Variants in RAP1GDS1 observed in about 807,000 individuals in gnomAD.
RAP1GDS1 encodes RAP1, GTP-GDP dissociation stimulator 1.
A neutral mutation model predicts 71.1 loss-of-function variants in RAP1GDS1; 35 were observed. That is an observed-to-expected ratio of 0.49 (90% CI 0.38 to 0.65). The LOEUF (loss-of-function observed/expected upper bound fraction) is 0.65. Among genes scored for constraint, RAP1GDS1 ranks in the 30% least tolerant of loss-of-function variants. The pLI is 0.00. For synonymous variants in RAP1GDS1, 229 were observed against 243.1 expected, an observed-to-expected ratio of 0.94 and a Z score of 0.54; for missense variants, 663 against 706.1, an observed-to-expected ratio of 0.94 and a Z score of 0.69.
chr4:98,348,357 A>G (rs1247140604), intron 3 of RAP1GDS1, among the ~76,000 whole-genome samples: 1 of 152,166 alleles, frequency 6.6e-6, no homozygotes, highest in Non-Finnish European at 1.5e-5. Context: ...TTCTTAATCC[A>G]GTCTATCATT....
intron 7 of RAP1GDS1, among the ~76,000 whole-genome samples, chr4:98,414,355 C>T (rs990250872): frequency 7.4e-6 from 1 of 135,640 alleles, no homozygotes; most frequent in African/African-American, 3.2e-5. Flanking sequence ...TTAGGTCTAA[C>T]ATTTAAATCT....
rs1752151350 is a variant in RAP1GDS1 at position 98,443,846 on chromosome 4, G to A, written c.*1729G>A. 1 of 177,710 alleles carries A rather than the reference G, an allele frequency of 5.6e-6. No individual in the cohort carries two copies. Among genetic ancestry groups the A allele is most frequent in the Non-Finnish European group, 1.2e-5 (1 of 82,740 alleles). 11.0% of individuals were successfully genotyped at this position (177,710 alleles called of 1,614,324 possible). Reference sequence around the variant, plus strand: ...GTTCATATTAATAACTTAATAAATAGTATATGAAGCTATAATGGCATCATT... The same window carrying A: ...GTTCATATTAATAACTTAATAAATAATATATGAAGCTATAATGGCATCATT... On this transcript the variant is annotated 3_prime_UTR_variant, in exon 15 of 15. Coordinates refer to ENST00000408927, the MANE Select transcript of RAP1GDS1 (RefSeq NM_001100427.2).
Position 98,392,019 on chromosome 4 carries a change from C to A in RAP1GDS1, c.576C>A (p.His192Gln). Residue 192 changes from histidine to glutamine, a missense_variant, in exon 6 of 15, where the codon CAC becomes CAA. His to Gln is a conservative substitution (Grantham distance 24). Transcript: ENST00000408927. ...CCTTAGTGAAATTACTGGGCATCCA[C>A]TGCCAAAATGCAGCTCTTACAGAAA... The part of the protein sequence containing the change: ...IPTLVKLLGI[H>Q]CQNAALTEMC... 6.2e-7 allele frequency: 1 copy of A among 1,612,358 alleles called. No homozygotes were observed. Among genetic ancestry groups the A allele is most frequent in the Non-Finnish European group, 8.5e-7 (1 of 1,178,876 alleles).
intron 1 of RAP1GDS1, among the ~76,000 whole-genome samples, chr4:98,291,838 T>C (rs966464853): frequency 7.9e-5 from 12 of 152,152 alleles, no homozygotes; most frequent in African/African-American, 2.7e-4. Flanking sequence ...ATAAATCAGA[T>C]AAATCTTTCC....
chr4:98,361,719 A>G (rs1738781397), intron 4 of RAP1GDS1, among the ~76,000 whole-genome samples: 1 of 152,180 alleles, frequency 6.6e-6, no homozygotes, highest in South Asian at 2.1e-4. Flanking sequence ...GTGCTTTGGG[A>G]AATGAAAGAT....
chr4:98,341,910 T>G (rs1411877737), intron 2 of RAP1GDS1, among the ~76,000 whole-genome samples: 1 of 152,086 alleles, frequency 6.6e-6, no homozygotes, highest in African/African-American at 2.4e-5. Flanking sequence ...ACATATATAC[T>G]TACAGGCACA....
intron 4 of RAP1GDS1, among the ~76,000 whole-genome samples, chr4:98,363,752 T>A (rs1739096071): frequency 6.6e-6 from 1 of 152,024 alleles, no homozygotes. Context: ...GAAAAGGAGT[T>A]GAGAAGCATG....
At chr4:98,315,962 G>A (rs1045675189) in intron 2 of RAP1GDS1, among the ~76,000 whole-genome samples, 4 of 152,156 alleles carry the variant, frequency 2.6e-5, no homozygotes, top group South Asian at 2.1e-4. Flanking sequence ...ATGTGAAAGG[G>A]AAATGACTAA....
At chr4:98,320,617 AC>A (rs1294434124) in intron 2 of RAP1GDS1, among the ~76,000 whole-genome samples, 1 of 150,912 alleles carries the variant, frequency 6.6e-6, no homozygotes, top group Non-Finnish European at 1.5e-5. Flanking sequence ...CTGACCCCTG[AC>A]CCCCGAGCAG....
chr4:98,442,141 T>C lies in RAP1GDS1; in HGVS notation c.*24T>C. The stretch of plus-strand genomic sequence containing the variant: ...GAGAACTGCCCGATACACGGCATCA[T>C]CCCATCTCTAATTTCCCCTCTGTCC... On this transcript the variant is annotated 3_prime_UTR_variant, in exon 15 of 15. Transcript: ENST00000408927. 6.2e-7 allele frequency: 1 copy of C among 1,608,188 alleles called. No homozygotes were observed. The highest frequency in any genetic ancestry group is 1.1e-5 in the South Asian group (1 of 90,906).
chr4:98,435,535 T>C (rs1402666408), intron 13 of RAP1GDS1, among the ~76,000 whole-genome samples: 1 of 152,080 alleles, frequency 6.6e-6, no homozygotes, highest in Non-Finnish European at 1.5e-5. Context: ...CTGAGTAGGC[T>C]GAGGAAGGGG....
chr4:98,294,796 G>A (rs1273952827), intron 2 of RAP1GDS1, among the ~76,000 whole-genome samples: 1 of 152,072 alleles, frequency 6.6e-6, no homozygotes, highest in African/African-American at 2.4e-5. Context: ...CTAGAAACTA[G>A]GAAGAACCAC....
At position 98,337,661 on chromosome 4, in the gene RAP1GDS1, A is replaced by C. The variant is rs144321949; in HGVS notation, c.113-5478A>C. Among the ~76,000 whole-genome samples the C allele has an allele frequency of 9.4e-4, 143 of 152,338 alleles. 1 individual carries two copies. In the East Asian group the frequency reaches 0.025, roughly 27 times the overall value. Reference sequence around the variant, plus strand: ...ATGGAAGTCAGATAACATTAAAAAGATTGAATAGCTTTCAGTCAGGTACCT... The same window carrying C: ...ATGGAAGTCAGATAACATTAAAAAGCTTGAATAGCTTTCAGTCAGGTACCT... On this transcript the variant is annotated intron_variant, in intron 2 of 14. Transcript: ENST00000408927.
At chr4:98,399,614 G>A (rs1745072485) in intron 6 of RAP1GDS1, among the ~76,000 whole-genome samples, 1 of 152,052 alleles carries the variant, frequency 6.6e-6, no homozygotes, top group African/African-American at 2.4e-5. Flanking sequence ...TTTAAAATGG[G>A]CAAATTATCT....
intron 4 of RAP1GDS1, among the ~76,000 whole-genome samples, chr4:98,378,018 T>G (rs1389871322): frequency 6.6e-6 from 1 of 151,876 alleles, no homozygotes. Context: ...CAGAGTGATA[T>G]ATATTGAATT....
At chr4:98,279,244 A>G (rs2110247280) in intron 1 of RAP1GDS1, among the ~76,000 whole-genome samples, 1 of 151,788 alleles carries the variant, frequency 6.6e-6, no homozygotes, top group East Asian at 1.9e-4. Context: ...AAACAAACAA[A>G]CAAAAATAAT....
chr4:98,374,794 T>G (rs898697988), intron 4 of RAP1GDS1, among the ~76,000 whole-genome samples: 1 of 152,132 alleles, frequency 6.6e-6, no homozygotes, highest in African/African-American at 2.4e-5. Context: ...CTTTCCTTAG[T>G]GTTCTTGCTT....
At chr4:98,312,930 G>A (rs1395960449) in intron 2 of RAP1GDS1, among the ~76,000 whole-genome samples, 4 of 151,560 alleles carry the variant, frequency 2.6e-5, no homozygotes, top group Non-Finnish European at 4.4e-5. Flanking sequence ...TTAGTCGGGC[G>A]AGGTGGCAGG....
At chr4:98,308,297 C>CTA (rs779815305) in intron 2 of RAP1GDS1, among the ~76,000 whole-genome samples, 8,442 of 72,822 alleles carry the variant, frequency 0.12, 527 homozygotes, top group South Asian at 0.15. Context: ...CACACACACA[C>CTA]TATATATATA....
Sources: gnomAD v4.1 joint callset for allele counts (sites outside exome capture counted in the v4.1 genomes callset) on GRCh38, gnomAD v4.1.1 for gene constraint, MANE v1.5 for transcripts, NCBI Gene and HGNC (gene_info 2026-07-23, HGNC 2026-07-21) for gene names.